The following ABHD2 variants were observed in gnomAD, a reference collection of about 807,000 sequenced individuals.
ABHD2 encodes monoacylglycerol lipase ABHD2.
In ABHD2, 20 loss-of-function variants were observed where a neutral mutation model predicts 48.1. That is an observed-to-expected ratio of 0.42 (90% confidence interval 0.29 to 0.60). The LOEUF is 0.60. Ranked by LOEUF, ABHD2 falls within the 20% of genes least tolerant of loss-of-function variation. ABHD2 has a pLI of 0.24. For missense variants in ABHD2, 405 were observed against 550.9 expected (o/e 0.74, Z 2.65); for synonymous variants, 209 against 214.2 (o/e 0.98, Z 0.21).
At position 89,116,525 on chromosome 15, in the gene ABHD2, A is replaced by T; in HGVS notation, c.194+4A>T. ...CCTGTCCTCTTCTGACCAAAGAGTG[A>T]GTAGACCTCATGCCCTCTGTATGCT... is the stretch of plus-strand genomic sequence containing the variant. On this transcript the variant is annotated splice_donor_region_variant and intron_variant, in intron 3 of 10. Transcript: ENST00000352732. The surrounding 1 kb of genome is among the most constrained non-coding windows in gnomAD (Gnocchi z 4.6). 6.2e-7 allele frequency: 1 copy of T among 1,611,988 alleles called. No homozygotes were observed. Among genetic ancestry groups the T allele is most frequent in the East Asian group, 2.2e-5 (1 of 44,844 alleles).
rs2051444511 is a variant in ABHD2 at position 89,199,414 on chromosome 15, G to A, written c.*3991G>A. The A allele has an allele frequency of 6.6e-6, 1 of 152,572 alleles. No individual in the cohort carries two copies. Among genetic ancestry groups the A allele is most frequent in the Non-Finnish European group, 1.5e-5 (1 of 68,030 alleles). 9.5% of individuals were successfully genotyped at this position (152,572 alleles called of 1,614,324 possible). A position where few individuals can be genotyped will look rare whatever the true frequency, so the allele number is the denominator to read the frequency against. ...GTAGCATTCTATCACAATATCATCTGGAATTGTTTTCTTTGCCCAGAAAGC... is the reference window on the plus strand; with the variant it reads ...GTAGCATTCTATCACAATATCATCTAGAATTGTTTTCTTTGCCCAGAAAGC... On this transcript the variant is annotated 3_prime_UTR_variant, in exon 11 of 11. Coordinates refer to ENST00000352732, the MANE Select transcript of ABHD2 (RefSeq NM_152924.5). The surrounding 1 kb of genome is among the most constrained non-coding windows in gnomAD (Gnocchi z 4.1).
At chr15:89,181,037 C>T (rs1196744355) in intron 6 of ABHD2, among the ~76,000 whole-genome samples, 1 of 151,886 alleles carries the variant, frequency 6.6e-6, no homozygotes, top group Non-Finnish European at 1.5e-5. Context: ...ACCAGCCTGA[C>T]CAACATGGTG....
chr15:89,162,834 C>T (rs1020908857), intron 5 of ABHD2, among the ~76,000 whole-genome samples: 23 of 152,212 alleles, frequency 1.5e-4, no homozygotes, highest in African/African-American at 5.3e-4. Flanking sequence ...CAGAAGTTCA[C>T]TCCATGAGAG....
At chr15:89,193,137 G>A (rs1382278188) in intron 9 of ABHD2, 98 bp from the exon 10 acceptor site, 2 of 1,175,966 alleles carry the variant, frequency 1.7e-6, no homozygotes, top group Non-Finnish European at 2.5e-6. Flanking sequence ...TCTTCCCTTT[G>A]CTTCAAAAAC....
At chr15:89,048,709 A>T in the ABHD2 span, among the ~76,000 whole-genome samples, 3 of 152,038 alleles carry the variant, frequency 2.0e-5, no homozygotes, top group Non-Finnish European at 2.9e-5. Context: ...AGGCTTCTGC[A>T]TTCTTCACGT....
rs2050838327 is a variant in ABHD2, at chr15:89,166,374, C to CT, written c.539-9437dup. ...TTCCCTTATTTCTAAACTCTTGACTCTCGGGCATTAGACATCAAGCTGTGA... is the reference window on the plus strand; with the variant it reads ...TTCCCTTATTTCTAAACTCTTGACTCTTCGGGCATTAGACATCAAGCTGTGA... On this transcript the variant is annotated intron_variant, in intron 5 of 10. Transcript: ENST00000352732. The surrounding 1 kb of genome is among the most constrained non-coding windows in gnomAD (Gnocchi z 4.6). 6.6e-6 allele frequency among the ~76,000 whole-genome samples: 1 copy of CT among 152,150 alleles called. No individual in the cohort carries two copies. Among genetic ancestry groups the CT allele is most frequent in the Admixed American group, 6.5e-5 (1 of 15,284 alleles).
chr15:89,160,874 C>A (rs1456887901), intron 5 of ABHD2, among the ~76,000 whole-genome samples: 1 of 152,202 alleles, frequency 6.6e-6, no homozygotes, highest in East Asian at 1.9e-4. Context: ...GAGAAGCATC[C>A]TTCCTAGAGA....
At chr15:89,057,246 A>G in the ABHD2 span, among the ~76,000 whole-genome samples, 1 of 152,166 alleles carries the variant, frequency 6.6e-6, no homozygotes, top group Non-Finnish European at 1.5e-5. Context: ...TGTTAAGTGA[A>G]AAGGGTAAAG....
At chr15:89,073,674 C>G in the ABHD2 span, among the ~76,000 whole-genome samples, 1 of 152,098 alleles carries the variant, frequency 6.6e-6, no homozygotes, top group Non-Finnish European at 1.5e-5. Context: ...TCTAACCATG[C>G]GAAGCATCTC....
At chr15:89,063,975 G>A in the ABHD2 span, among the ~76,000 whole-genome samples, 3 of 151,902 alleles carry the variant, frequency 2.0e-5, no homozygotes, top group Non-Finnish European at 1.5e-5. Context: ...CATGGCCCAG[G>A]GGTTGAGGAC....
At chr15:89,047,457 A>T in the ABHD2 span, among the ~76,000 whole-genome samples, 1 of 151,226 alleles carries the variant, frequency 6.6e-6, no homozygotes. Context: ...ATCCTTGTTG[A>T]CTTTCTGTCT....
intron 1 of ABHD2, among the ~76,000 whole-genome samples, chr15:89,112,586 C>G (rs183921504): frequency 6.6e-6 from 1 of 152,330 alleles, no homozygotes; most frequent in East Asian, 1.9e-4. Context: ...TTGATTCTTT[C>G]CTTCAATGGG....
In ABHD2 at chr15:89,181,604, A is replaced by G. The variant is rs189219420; in HGVS notation, c.723-3820A>G. Among the ~76,000 whole-genome samples the G allele has an allele frequency of 3.5e-3, 526 of 152,302 alleles. 4 individuals carry two copies. The highest frequency in any genetic ancestry group is 0.012 in the African/African-American group (492 of 41,552). On this transcript the variant is annotated intron_variant, in intron 6 of 10. Transcript: ENST00000352732. The stretch of plus-strand genomic sequence containing the variant: ...TTCTCCATATTTTTTCAAAGACCAC[A>G]GGAAAGCTGTTTCACTATTCTTATA...
chr15:89,154,268 G>A (rs1191657477), intron 4 of ABHD2, among the ~76,000 whole-genome samples: 1 of 152,056 alleles, frequency 6.6e-6, no homozygotes, highest in African/African-American at 2.4e-5. Flanking sequence ...AAATTTTTAA[G>A]GTTCTTTATG....
chr15:89,087,150 G>C (rs1901382607), upstream of ABHD2: 1 of 152,214 alleles, frequency 6.6e-6, no homozygotes, highest in African/African-American at 2.4e-5. The surrounding 1 kb of genome is among the most constrained non-coding windows in gnomAD (Gnocchi z 5.5). Flanking sequence ...AGGGGTCTCT[G>C]ACAGATAGAG....
At chr15:89,046,946 A>G in the ABHD2 span, among the ~76,000 whole-genome samples, 1 of 151,680 alleles carries the variant, frequency 6.6e-6, no homozygotes. Context: ...TAGCTTTTGA[A>G]TGTGTTTGCT....
At chr15:89,047,993 C>T in the ABHD2 span, among the ~76,000 whole-genome samples, 9 of 151,274 alleles carry the variant, frequency 5.9e-5, no homozygotes, top group Non-Finnish European at 1.2e-4. Flanking sequence ...TTCCTAGTCT[C>T]GATGGTCTTT....
the ABHD2 span, among the ~76,000 whole-genome samples, chr15:89,075,547 G>A: frequency 6.6e-6 from 1 of 152,048 alleles, no homozygotes; most frequent in African/African-American, 2.4e-5. The surrounding 1 kb of genome is among the most constrained non-coding windows in gnomAD (Gnocchi z 4.1). Flanking sequence ...GGCTAGAGAG[G>A]GAAGGTAGAA....
intron 3 of ABHD2, among the ~76,000 whole-genome samples, chr15:89,131,033 AC>A (rs1289026835): frequency 6.6e-6 from 1 of 152,068 alleles, no homozygotes; most frequent in East Asian, 1.9e-4. Flanking sequence ...TCACTGCAGG[AC>A]GTCATCAGCT....
Sources: allele counts gnomAD v4.1 joint callset (sites outside exome capture counted in the v4.1 genomes callset), GRCh38; gene constraint gnomAD v4.1.1; non-coding constraint Gnocchi (gnomAD v3.1); transcripts MANE v1.5; gene names NCBI Gene and HGNC (gene_info 2026-07-23, HGNC 2026-07-21).